The following PCYT1A variants were observed in gnomAD, a reference collection of about 807,000 sequenced individuals.
PCYT1A encodes choline-phosphate cytidylyltransferase A.
Under a neutral mutation model 43.7 loss-of-function variants are expected in PCYT1A, and 25 were observed. The observed-to-expected ratio is 0.57, with a 90% CI of 0.42 to 0.80. The LOEUF (loss-of-function observed/expected upper bound fraction) is 0.80, where lower values mean the gene tolerates loss of function less well. PCYT1A is among the 30% of genes least tolerant of loss of function. PCYT1A has a pLI of 0.00. For synonymous variants in PCYT1A, 172 were observed against 170.7 expected (o/e 1.01, Z -0.06); for missense variants, 421 against 474.2 (o/e 0.89, Z 1.04).
intron 1 of PCYT1A, among the ~76,000 whole-genome samples, chr3:196,278,544 C>G (rs998180244): frequency 6.6e-6 from 1 of 152,128 alleles, no homozygotes; most frequent in Middle Eastern, 3.2e-3. Context: ...ACTCAATGCC[C>G]TGCAGACTGA....
Position 196,242,926 on chromosome 3 carries a change from A to G in PCYT1A, c.487-286T>C. 2.4e-6 allele frequency: 1 copy of G among 419,314 alleles called. No individual in the cohort carries two copies. The highest frequency in any genetic ancestry group is 7.0e-4 in the Middle Eastern group (1 of 1,430). 26.0% of individuals were successfully genotyped at this position (419,314 alleles called of 1,614,324 possible). A position where few individuals can be genotyped will look rare whatever the true frequency, so the allele number is the denominator to read the frequency against. ...TATACCAGTCATCTTGCTGTGGTCA[A>G]TAGGGCCAGAGGGTTTGCTGGTGAA... On this transcript the variant is annotated intron_variant, in intron 5 of 8. Coordinates refer to ENST00000431016, the MANE Select transcript of PCYT1A (RefSeq NM_001312673.2). This position sits in a 1 kb window ranked among gnomAD's most constrained non-coding sequence, Gnocchi z 4.2.
chr3:196,241,091 TG>T (rs1272574571), intron 7 of PCYT1A, among the ~76,000 whole-genome samples: 1 of 140,568 alleles, frequency 7.1e-6, no homozygotes, highest in Non-Finnish European at 1.5e-5. Flanking sequence ...GCCAGGAGTT[TG>T]AGACCAGCCT....
Position 196,257,829 on chromosome 3 carries a change from T to C in PCYT1A, c.176A>G (p.Tyr59Cys), listed in dbSNP as rs561949003. 31 of 1,613,224 alleles carry C rather than the reference T, an allele frequency of 1.9e-5. No individual in the cohort carries two copies. Among genetic ancestry groups the C allele is most frequent in the African/African-American group, 5.3e-5 (4 of 75,010 alleles). The change falls in exon 3 of 9, where the codon TAT (tyrosine) becomes TGT (cysteine). Residue 59 changes from tyrosine to cysteine, a missense_variant. Physicochemically the swap from Tyr to Cys is radical, Grantham distance 194. Around this residue, in one of 3 missense-constraint regions of PCYT1A, gnomAD observed 139 missense variants for 117.7 expected, o/e 1.18. Coordinates refer to ENST00000431016, the MANE Select transcript of PCYT1A (RefSeq NM_001312673.2). ...GGCTTCTTCCATAGTTACCCTGACA[T>C]AGGGCTTACTAAAGTCAACTTCAAT... ...DEIEVDFSKP[Y>C]VRVTMEEASR...
At chr3:196,265,281 T>C (rs1725233842) in intron 2 of PCYT1A, among the ~76,000 whole-genome samples, 1 of 152,090 alleles carries the variant, frequency 6.6e-6, no homozygotes, top group African/African-American at 2.4e-5. Context: ...TTGGCCAGGC[T>C]GGTCTCAAAC....
chr3:196,252,862 T>C lies in PCYT1A; in HGVS notation c.218-4539A>G, dbSNP rs1410660004. On this transcript the variant is annotated intron_variant, in intron 3 of 8. Coordinates refer to ENST00000431016, the MANE Select transcript of PCYT1A (RefSeq NM_001312673.2). The surrounding 1 kb of genome is among the most constrained non-coding windows in gnomAD (Gnocchi z 4.0). The stretch of plus-strand genomic sequence containing the variant: ...GGGCAACACAGTGAAACCCTATCTC[T>C]ATTAAAATTATTTTTTACTGCCAGC... 1.3e-5 allele frequency among the ~76,000 whole-genome samples: 2 copies of C among 151,752 alleles called. No individual in the cohort carries two copies. Among genetic ancestry groups the C allele is most frequent in the African/African-American group, 4.8e-5 (2 of 41,246 alleles).
At chr3:196,241,502 C>CAAT in intron 7 of PCYT1A, 1 of 1,288,820 alleles carries the variant, frequency 7.8e-7, no homozygotes. Flanking sequence ...TTCTAAAAGG[C>CAAT]AATATTAAGC....
At position 196,242,141 on chromosome 3, in the gene PCYT1A, G is replaced by A; in HGVS notation, c.566-51C>T. 1 of 1,590,304 alleles carries A rather than the reference G, an allele frequency of 6.3e-7. No individual in the cohort carries two copies. Among genetic ancestry groups the A allele is most frequent in the Non-Finnish European group, 8.6e-7 (1 of 1,160,310 alleles). ...ACACTGTGAGGTTCTGGTTAGCTCA[G>A]GTATTAAGACTAAATGGAAATTGGG... On this transcript the variant is annotated intron_variant, in intron 6 of 8. Coordinates refer to ENST00000431016, the MANE Select transcript of PCYT1A (RefSeq NM_001312673.2). This position sits in a 1 kb window ranked among gnomAD's most constrained non-coding sequence, Gnocchi z 4.2.
At chr3:196,280,578 T>TTG (rs1553837277) in intron 1 of PCYT1A, among the ~76,000 whole-genome samples, 4 of 147,630 alleles carry the variant, frequency 2.7e-5, no homozygotes, top group Non-Finnish European at 6.0e-5. Context: ...TTGTTTTTTT[T>TTG]TTTTTTTTTT....
At chr3:196,262,836 C>T (rs1029542726) in intron 2 of PCYT1A, among the ~76,000 whole-genome samples, 7 of 150,822 alleles carry the variant, frequency 4.6e-5, no homozygotes, top group Admixed American at 1.3e-4. Flanking sequence ...ACCCTGTCGC[C>T]CAGGCTAGAG....
chr3:196,262,022 A>C (rs1383254545), intron 2 of PCYT1A, among the ~76,000 whole-genome samples: 2 of 152,196 alleles, frequency 1.3e-5, no homozygotes, highest in Admixed American at 6.6e-5. Context: ...TAGAAAAGGT[A>C]GTATTTTTTT....
chr3:196,247,644 CT>C lies in PCYT1A; in HGVS notation c.335-127del, dbSNP rs1215339339. ...CCATCTTCCCCAACTGGAAAAAAGTCTTCTAAAGGTGGTTGAACCTGGGTGA... is the reference window on the plus strand; with the variant it reads ...CCATCTTCCCCAACTGGAAAAAAGTCTCTAAAGGTGGTTGAACCTGGGTGA... On this transcript the variant is annotated intron_variant, in intron 4 of 8. Transcript: ENST00000431016. This position sits in a 1 kb window ranked among gnomAD's most constrained non-coding sequence, Gnocchi z 4.8. The C allele has an allele frequency of 1.1e-6, 1 of 934,048 alleles. No individual in the cohort carries two copies. The highest frequency in any genetic ancestry group is 1.7e-6 in the Non-Finnish European group (1 of 582,374). 57.9% of individuals were successfully genotyped at this position (934,048 alleles called of 1,614,324 possible).
At chr3:196,280,573 T>TC (rs1423264503) in intron 1 of PCYT1A, among the ~76,000 whole-genome samples, 1 of 144,930 alleles carries the variant, frequency 6.9e-6, no homozygotes, top group Non-Finnish European at 1.5e-5. Context: ...TTTTATTGTT[T>TC]TTTTTTTTTT....
chr3:196,265,812 A>G (rs1352701716), intron 2 of PCYT1A, among the ~76,000 whole-genome samples: 1 of 128,090 alleles, frequency 7.8e-6, no homozygotes, highest in Non-Finnish European at 1.7e-5. Context: ...ATCTCAGCTC[A>G]CTTGCAAACT....
In PCYT1A at chr3:196,242,626, G is replaced by A; in HGVS notation, c.501C>T (p.Ala167=). 6.2e-7 allele frequency: 1 copy of A among 1,605,998 alleles called. No homozygotes were observed. Among genetic ancestry groups the A allele is most frequent in the Non-Finnish European group, 8.5e-7 (1 of 1,172,668 alleles). ...FLAEHRIDFV[A]HDDIPYSSAG... is the part of the protein sequence containing the mutation. ...CAGATGAATAAGGAATATCATCATGGGCTACAAAATCAATCTGAAAATAAG... is the reference window on the plus strand; with the variant it reads ...CAGATGAATAAGGAATATCATCATGAGCTACAAAATCAATCTGAAAATAAG... The change falls in exon 6 of 9, where the codon GCC becomes GCT. Residue 167 remains alanine (A), a synonymous_variant. Coordinates refer to ENST00000431016, the MANE Select transcript of PCYT1A (RefSeq NM_001312673.2). The surrounding 1 kb of genome is among the most constrained non-coding windows in gnomAD (Gnocchi z 4.2).
rs374203312 is a variant in PCYT1A at position 196,263,134 on chromosome 3, G to T, written c.118-5247C>A. 3.9e-5 allele frequency among the ~76,000 whole-genome samples: 6 copies of T among 152,140 alleles called. No individual in the cohort carries two copies. The East Asian group carries it at 7.7e-4, about 20-fold the overall frequency. On this transcript the variant is annotated intron_variant, in intron 2 of 8. Coordinates refer to ENST00000431016, the MANE Select transcript of PCYT1A (RefSeq NM_001312673.2). Reference sequence around the variant, plus strand: ...ATTTTTCAGCAAAAAGTTTCTGAATGCCACAGAAAAACATTTATTTCCCTT... The same window carrying T: ...ATTTTTCAGCAAAAAGTTTCTGAATTCCACAGAAAAACATTTATTTCCCTT...
Position 196,247,536 on chromosome 3 carries a change from A to C in PCYT1A, c.335-18T>G, listed in dbSNP as rs1724610017. 6.2e-7 allele frequency: 1 copy of C among 1,613,560 alleles called. No individual in the cohort carries two copies. The highest frequency in any genetic ancestry group is 1.1e-5 in the South Asian group (1 of 91,050). ...ACTGCAAACTGGTTCACCACATCAT[A>C]AATTGTGTGTTGGAGTCCTCTTTGC... On this transcript the variant is annotated intron_variant, in intron 4 of 8. Transcript: ENST00000431016. The surrounding 1 kb of genome is among the most constrained non-coding windows in gnomAD (Gnocchi z 4.8).
rs60399134 is a variant in PCYT1A, at chr3:196,242,714, C to G, written c.487-74G>C. 1.2e-3 allele frequency: 1,156 copies of G among 1,000,382 alleles called. 8 individuals are homozygous for G. The African/African-American group carries it at 0.016, about 14-fold the overall frequency. 62.0% of individuals were successfully genotyped at this position (1,000,382 alleles called of 1,614,324 possible). ...AAGACCCAGTCAATGTTCTCAGGCCCAGAAAAAGGACAATAGGCAGAGGCC... is the reference window on the plus strand; with the variant it reads ...AAGACCCAGTCAATGTTCTCAGGCCGAGAAAAAGGACAATAGGCAGAGGCC... On this transcript the variant is annotated intron_variant, in intron 5 of 8. Transcript: ENST00000431016. The surrounding 1 kb of genome is among the most constrained non-coding windows in gnomAD (Gnocchi z 4.2).
In PCYT1A at chr3:196,242,574, T is replaced by A. The variant is rs1724392142; in HGVS notation, c.553A>T (p.Ile185Phe). Residue 185 changes from isoleucine to phenylalanine, a missense_variant, in exon 6 of 9, where the codon ATC becomes TTC. Around this residue, in one of 3 missense-constraint regions of PCYT1A, gnomAD observed 174 missense variants for 270.7 expected, o/e 0.64. Coordinates refer to ENST00000431016, the MANE Select transcript of PCYT1A (RefSeq NM_001312673.2). This position sits in a 1 kb window ranked among gnomAD's most constrained non-coding sequence, Gnocchi z 4.2. The stretch of plus-strand genomic sequence containing the variant: ...ACAGCTCACTCACCTGCCTCCTTGA[T>A]GTGCTTATAAACATCATCACTGCCA... ...SAGSDDVYKHIKEAGMFAPTQ... is the reference protein window; with the variant it reads ...SAGSDDVYKHFKEAGMFAPTQ... The A allele has an allele frequency of 6.2e-7, 1 of 1,608,932 alleles. No homozygotes were observed. Among genetic ancestry groups the A allele is most frequent in the Non-Finnish European group, 8.5e-7 (1 of 1,175,236 alleles).
chr3:196,245,950 CAAAAAAA>C (rs113177220), intron 5 of PCYT1A, among the ~76,000 whole-genome samples: 1 of 106,310 alleles, frequency 9.4e-6, no homozygotes, highest in African/African-American at 3.5e-5. Flanking sequence ...AACTCTGTCT[CAAAAAAA>C]AAAAAAAAAA....
Sources: gnomAD v4.1 joint callset for allele counts (sites outside exome capture counted in the v4.1 genomes callset) on GRCh38, gnomAD v4.1.1 for gene constraint, gnomAD v4.1.1 regional missense constraint, Gnocchi (gnomAD v3.1) non-coding constraint, MANE v1.5 for transcripts, NCBI Gene and HGNC (gene_info 2026-07-23, HGNC 2026-07-21) for gene names.